The following DNAH14 variants were observed in gnomAD, a reference collection of about 807,000 sequenced individuals.
DNAH14 encodes axonemal beta dynein heavy chain 14.
Under a neutral mutation model 520.9 loss-of-function variants are expected in DNAH14, and 478 were observed. The observed-to-expected ratio is 0.92, with a 90% CI of 0.85 to 0.99. The LOEUF (loss-of-function observed/expected upper bound fraction) is 0.99, where lower values mean the gene tolerates loss of function less well. DNAH14 is among the 50% of genes least tolerant of loss of function. The probability of loss-of-function intolerance (pLI) is 0.00; values close to 1 mark genes in which losing one functional copy is unlikely to be tolerated. For synonymous variants in DNAH14, 1,581 were observed against 1,757.2 expected (o/e 0.90, Z 2.51); for missense variants, 4,831 against 5,234.5 (o/e 0.92, Z 2.38).
chr1:225,398,347 G>C (rs765493272), intron 84 of DNAH14, among the ~76,000 whole-genome samples, 173 bp from the exon 85 acceptor site: 1 of 152,172 alleles, frequency 6.6e-6, no homozygotes, highest in Non-Finnish European at 1.5e-5. Flanking sequence ...AGCCTATGTC[G>C]TTTTTAAAGC....
intron 42 of DNAH14, among the ~76,000 whole-genome samples, chr1:225,231,451 G>C (rs1477170061): frequency 6.6e-6 from 1 of 152,122 alleles, no homozygotes; most frequent in African/African-American, 2.4e-5. Context: ...TTTATGAACT[G>C]TGAGATGTTC....
At chr1:225,243,280 G>A (rs1445516497) in intron 43 of DNAH14, among the ~76,000 whole-genome samples, 4 of 151,784 alleles carry the variant, frequency 2.6e-5, no homozygotes, top group Non-Finnish European at 5.9e-5. Flanking sequence ...TGAAATATCA[G>A]TATAAAACTA....
chr1:225,346,813 A>G lies in DNAH14; in HGVS notation c.11296+159A>G, dbSNP rs377396107. Reference sequence around the variant, plus strand: ...TACTCAATAATTTTTTAATGAATGAATGAATACATAAATGATAATTACTAT... The same window carrying G: ...TACTCAATAATTTTTTAATGAATGAGTGAATACATAAATGATAATTACTAT... On this transcript the variant is annotated intron_variant, in intron 71 of 85. Transcript: ENST00000682510. Among the ~76,000 whole-genome samples, 28 of 152,284 alleles carry G rather than the reference A, an allele frequency of 1.8e-4. No homozygotes were observed. The South Asian group carries it at 2.3e-3, about 12-fold the overall frequency.
At chr1:225,336,996 C>T (rs1044195594) in intron 66 of DNAH14, among the ~76,000 whole-genome samples, 1 of 152,088 alleles carries the variant, frequency 6.6e-6, no homozygotes, top group Non-Finnish European at 1.5e-5. Context: ...GGTGCTGTAT[C>T]TTATTTCCTT....
In DNAH14 at chr1:225,392,444, C is replaced by G; in HGVS notation, c.13484C>G (p.Ala4495Gly). The G allele has an allele frequency of 6.4e-7, 1 of 1,551,642 alleles. No individual in the cohort carries two copies. Residue 4495 changes from alanine (A) to glycine (G), a missense_variant, in exon 84 of 86, where the codon GCG (alanine) becomes GGG (glycine). Physicochemically the swap from Ala to Gly is moderately conservative, Grantham distance 60. Coordinates refer to ENST00000682510, the MANE Select transcript of DNAH14 (RefSeq NM_001367479.1). ...AAGAAACTCAACATAGTCAGGAGAG[C>G]GTTTAAGGTACTGGAATACTTCAAG... The part of the protein sequence containing the change: ...MPKKLNIVRR[A>G]FKGSASSHTG...
chr1:225,113,195 GGGA>G (rs2076608533), intron 23 of DNAH14, among the ~76,000 whole-genome samples: 1 of 152,152 alleles, frequency 6.6e-6, no homozygotes, highest in Non-Finnish European at 1.5e-5. Flanking sequence ...ATTTTCATTA[GGGA>G]GTACCCAAAG....
rs966330025 is a variant in DNAH14, at chr1:225,288,103, A to G, written c.8272-1782A>G. 3.9e-5 allele frequency among the ~76,000 whole-genome samples: 6 copies of G among 152,148 alleles called. 1 individual carries two copies. The highest frequency in any genetic ancestry group is 9.7e-5 in the African/African-American group (4 of 41,442). ...CTCACTCCTTCACTGAGGGCTGCACATAGTGACGTTCTCCCAAAGAGTACC... is the reference window on the plus strand; with the variant it reads ...CTCACTCCTTCACTGAGGGCTGCACGTAGTGACGTTCTCCCAAAGAGTACC... On this transcript the variant is annotated intron_variant, in intron 54 of 85. Coordinates refer to ENST00000682510, the MANE Select transcript of DNAH14 (RefSeq NM_001367479.1).
chr1:225,098,702 A>G, intron 22 of DNAH14, among the ~76,000 whole-genome samples: 1 of 152,218 alleles, frequency 6.6e-6, no homozygotes. Flanking sequence ...AGGTGAAACC[A>G]CATACCTAAG....
intron 20 of DNAH14, among the ~76,000 whole-genome samples, chr1:225,083,056 C>T (rs1482747336): frequency 2.0e-5 from 3 of 151,842 alleles, no homozygotes; most frequent in Non-Finnish European, 4.4e-5. Context: ...ATGGAAATAT[C>T]AAAACTATTG....
chr1:225,026,472 G>A (rs948839279), intron 11 of DNAH14, among the ~76,000 whole-genome samples: 3 of 151,922 alleles, frequency 2.0e-5, no homozygotes, highest in Non-Finnish European at 4.4e-5. Flanking sequence ...TTTTGTATAC[G>A]AATATCCAGT....
At chr1:225,011,197 T>C (rs2064705356) in intron 10 of DNAH14, among the ~76,000 whole-genome samples, 1 of 152,178 alleles carries the variant, frequency 6.6e-6, no homozygotes. Flanking sequence ...TGTTAGGGTG[T>C]CGATTTTAGA....
At chr1:225,204,382 T>C in intron 39 of DNAH14, 109 bp downstream of exon 39, 1 of 633,584 alleles carries the variant, frequency 1.6e-6, no homozygotes, top group Non-Finnish European at 2.6e-6. Flanking sequence ...TAATATTTTG[T>C]TCCTGTACCA....
chr1:225,003,845 T>A (rs2489317), intron 9 of DNAH14, among the ~76,000 whole-genome samples: 14,563 of 152,136 alleles, frequency 0.096, 2,253 homozygotes, highest in African/African-American at 0.33. Context: ...ATGGTTTTCT[T>A]GTAGAAGGAA....
chr1:224,948,559 T>C (rs1342504940), intron 1 of DNAH14, among the ~76,000 whole-genome samples: 1 of 152,032 alleles, frequency 6.6e-6, no homozygotes, highest in East Asian at 1.9e-4. Flanking sequence ...TTATATTGAT[T>C]ATAATTAGTA....
Position 224,975,906 on chromosome 1 carries a change from A to G in DNAH14, c.830+1753A>G, listed in dbSNP as rs369654899. 1.8e-4 allele frequency among the ~76,000 whole-genome samples: 27 copies of G among 151,936 alleles called. 1 individual carries two copies. The South Asian group carries it at 5.2e-3, about 29-fold the overall frequency. ...TCACACACTGCTTTGAATGTGTCCC[A>G]GAGATTCTGGTATGTTGTGTCTTTG... On this transcript the variant is annotated intron_variant, in intron 8 of 85. Coordinates refer to ENST00000682510, the MANE Select transcript of DNAH14 (RefSeq NM_001367479.1).
chr1:225,381,148 ATAG>A (rs2095776992), intron 80 of DNAH14, among the ~76,000 whole-genome samples: 1 of 152,180 alleles, frequency 6.6e-6, no homozygotes, highest in African/African-American at 2.4e-5. Flanking sequence ...GCATCCACAC[ATAG>A]TAGATAGTGT....
chr1:225,329,560 A>G lies in DNAH14; in HGVS notation c.9724-1877A>G, dbSNP rs139048533. ...ATAATTTAAGAAAATTATTTTGGGG[A>G]AAAGACCATCTCTTCAATAAATGGT... is the stretch of plus-strand genomic sequence containing the variant. On this transcript the variant is annotated intron_variant, in intron 64 of 85. Coordinates refer to ENST00000682510, the MANE Select transcript of DNAH14 (RefSeq NM_001367479.1). 1.2e-4 allele frequency among the ~76,000 whole-genome samples: 18 copies of G among 152,234 alleles called. No individual in the cohort carries two copies. In the East Asian group the frequency reaches 2.9e-3, roughly 24 times the overall value.
At chr1:225,115,558 C>T (rs986173089) in intron 23 of DNAH14, among the ~76,000 whole-genome samples, 2 of 152,074 alleles carry the variant, frequency 1.3e-5, no homozygotes, top group East Asian at 3.9e-4. Context: ...ATGAGCCCTC[C>T]AAAACAACTA....
chr1:225,389,099 G>A (rs1417320786), intron 82 of DNAH14, among the ~76,000 whole-genome samples: 1 of 152,208 alleles, frequency 6.6e-6, no homozygotes, highest in African/African-American at 2.4e-5. Flanking sequence ...AATAAAAATA[G>A]CTGGAGAAGC....
Sources: gnomAD v4.1 joint callset for allele counts (sites outside exome capture counted in the v4.1 genomes callset) on GRCh38, gnomAD v4.1.1 for gene constraint, MANE v1.5 for transcripts, NCBI Gene and HGNC (gene_info 2026-07-23, HGNC 2026-07-21) for gene names.